Variants in BCL9L observed in about 807,000 individuals in gnomAD.
BCL9L encodes BCL9 like, also known as B-cell CLL/lymphoma 9-like protein.
In BCL9L, 19 loss-of-function variants were observed where a neutral mutation model predicts 99.4. That is an observed-to-expected ratio of 0.19 (90% confidence interval 0.13 to 0.28). BCL9L has a LOEUF of 0.28. Among genes scored for constraint, BCL9L ranks in the 10% least tolerant of loss-of-function variants. The pLI is 1.00. For missense variants in BCL9L, 2,023 were observed against 2,101.6 expected (o/e 0.96, Z 0.73); for synonymous variants, 900 against 854.8 (o/e 1.05, Z -0.92).
At position 118,898,650 on chromosome 11, in the gene BCL9L, G is replaced by C. The variant is rs1374175251; in HGVS notation, c.4265C>G (p.Ser1422Cys). 1 of 1,612,082 alleles carries C rather than the reference G, an allele frequency of 6.2e-7. No homozygotes were observed. Among genetic ancestry groups the C allele is most frequent in the East Asian group, 2.2e-5 (1 of 44,850 alleles). Reference protein sequence around the residue: ...VPHGLHQGVMSPPQGLMTQQN... With the variant: ...VPHGLHQGVMCPPQGLMTQQN... ...CTGGGTCATGAGGCCTTGTGGAGGG[G>C]ACATGACCCCCTGGTGCAGGCCATG... Residue 1422 changes from serine to cysteine, a missense_variant, in exon 10 of 10, where the codon TCC (serine) becomes TGC (cysteine). This residue lies in a region of BCL9L where 902 missense variants were observed against 888.2 expected (regional missense o/e 1.02). Transcript: ENST00000683865.
intron 2 of BCL9L, among the ~76,000 whole-genome samples, chr11:118,912,320 C>G (rs1334062448): frequency 6.6e-6 from 1 of 152,218 alleles, no homozygotes; most frequent in Non-Finnish European, 1.5e-5. Context: ...TCTGGGAACA[C>G]GTCACCGTGC....
rs947237824 is a variant in BCL9L, at chr11:118,900,488, C to T, written c.3124+131G>A. On this transcript the variant is annotated intron_variant, in intron 8 of 9. Coordinates refer to ENST00000683865, the MANE Select transcript of BCL9L (RefSeq NM_001378213.1). This position sits in a 1 kb window ranked among gnomAD's most constrained non-coding sequence, Gnocchi z 5.3. ...AGCCCACAAATGTCATCATCTGCCC[C>T]ATAAGCAGAGCCATCCACCTCTGGG... 9.8e-6 allele frequency: 14 copies of T among 1,429,904 alleles called. No individual in the cohort carries two copies. In the East Asian group the frequency reaches 2.7e-4, roughly 28 times the overall value. The allele number at this position is 1,429,904 out of a possible 1,614,324, so 88.6% of individuals were successfully genotyped here.
intron 5 of BCL9L, among the ~76,000 whole-genome samples, chr11:118,904,269 C>T (rs991931514): frequency 1.1e-4 from 16 of 151,974 alleles, no homozygotes; most frequent in Admixed American, 5.2e-4. Context: ...GGTGAAACCC[C>T]GTCTCTACTA....
At chr11:118,920,358 A>G (rs1941103176) in intron 1 of BCL9L, among the ~76,000 whole-genome samples, 1 of 152,172 alleles carries the variant, frequency 6.6e-6, no homozygotes, top group South Asian at 2.1e-4. Flanking sequence ...AATGAGATTA[A>G]ACATCAAGAA....
At position 118,900,607 on chromosome 11, in the gene BCL9L, C is replaced by T; in HGVS notation, c.3124+12G>A. On this transcript the variant is annotated intron_variant, in intron 8 of 9. Transcript: ENST00000683865. This position sits in a 1 kb window ranked among gnomAD's most constrained non-coding sequence, Gnocchi z 5.3. The stretch of plus-strand genomic sequence containing the variant: ...CTGCCTGCCTGCCTGCCTGCCTGCG[C>T]AATTGACTCACCCTGTTCCATGTTG... 6.3e-7 allele frequency: 1 copy of T among 1,589,842 alleles called. No homozygotes were observed. The highest frequency in any genetic ancestry group is 2.3e-5 in the East Asian group (1 of 44,216).
Position 118,901,232 on chromosome 11 carries a change from C to T in BCL9L, c.2511G>A (p.Met837Ile), listed in dbSNP as rs549521970. ...GVMGGPQKML[M>I]PSQFPNQGQQ... ...GGCCCTGGTTGGGAAACTGTGAAGG[C>T]ATCAGCATCTTCTGCGGGCCGCCCA... Residue 837 changes from methionine (M) to isoleucine (I), a missense_variant, in exon 8 of 10, where the codon ATG (methionine) becomes ATA (isoleucine). Physicochemically the swap from Met to Ile is conservative, Grantham distance 10. Transcript: ENST00000683865. The surrounding 1 kb of genome is among the most constrained non-coding windows in gnomAD (Gnocchi z 6.6). The T allele has an allele frequency of 5.0e-6, 8 of 1,614,054 alleles. No homozygotes were observed. The East Asian group carries it at 1.1e-4, about 22-fold the overall frequency.
chr11:118,901,823 G>T lies in BCL9L; in HGVS notation c.1920C>A (p.Thr640=), dbSNP rs952940005. 1.2e-6 allele frequency: 2 copies of T among 1,609,722 alleles called. No individual in the cohort carries two copies. Among genetic ancestry groups the T allele is most frequent in the Admixed American group, 3.3e-5 (2 of 59,888 alleles). ...GTCCCCCCATAGGGGGCAAGTCTTCGGTCCAGCCCATGCCTGGTCTCACGG... is the reference window on the plus strand; with the variant it reads ...GTCCCCCCATAGGGGGCAAGTCTTCTGTCCAGCCCATGCCTGGTCTCACGG... The part of the protein sequence containing the change: ...QRPVRPGMGW[T]EDLPPMGGPS... The change falls in exon 8 of 10, where the codon ACC becomes ACA. Residue 640 remains threonine, a synonymous_variant. Coordinates refer to ENST00000683865, the MANE Select transcript of BCL9L (RefSeq NM_001378213.1). The surrounding 1 kb of genome is among the most constrained non-coding windows in gnomAD (Gnocchi z 6.6).
rs1940071355 is a variant in BCL9L, at chr11:118,899,051, G to A, written c.3864C>T (p.Arg1288=). ...CACCCGGTGGGTATGCGTCGCCCAT[G>A]CGCCCAGCCATGGCTTTGCCCATCA... ...QHLMGKAMAG[R]MGDAYPPGVL... The change falls in exon 10 of 10, where the codon CGC becomes CGT. Residue 1288 remains arginine (R), a synonymous_variant. Coordinates refer to ENST00000683865, the MANE Select transcript of BCL9L (RefSeq NM_001378213.1). 3 of 1,612,738 alleles carry A rather than the reference G, an allele frequency of 1.9e-6. No homozygotes were observed. Among genetic ancestry groups the A allele is most frequent in the Non-Finnish European group, 2.5e-6 (3 of 1,179,684 alleles).
Position 118,900,687 on chromosome 11 carries a change from C to G in BCL9L, c.3056G>C (p.Gly1019Ala). The change falls in exon 8 of 10, where the codon GGG becomes GCG. Residue 1019 changes from glycine (G) to alanine (A), a missense_variant. Coordinates refer to ENST00000683865, the MANE Select transcript of BCL9L (RefSeq NM_001378213.1). The surrounding 1 kb of genome is among the most constrained non-coding windows in gnomAD (Gnocchi z 5.3). Reference sequence around the variant, plus strand: ...AGGCGGCTGCTTGTTCTGGGAGACCCCCGGGCTGGGCATGGCCGTCTTAGG... The same window carrying G: ...AGGCGGCTGCTTGTTCTGGGAGACCGCCGGGCTGGGCATGGCCGTCTTAGG... ...ASPKTAMPSP[G>A]VSQNKQPPLN... is the part of the protein sequence containing the mutation. The G allele has an allele frequency of 6.2e-7, 1 of 1,613,680 alleles. No individual in the cohort carries two copies. Among genetic ancestry groups the G allele is most frequent in the South Asian group, 1.1e-5 (1 of 91,056 alleles).
In BCL9L at chr11:118,925,763, G is replaced by A. The variant is rs1254176494; in HGVS notation, c.-656C>T. Among the ~76,000 whole-genome samples, 1 of 150,206 alleles carries A rather than the reference G, an allele frequency of 6.7e-6. No homozygotes were observed. Among genetic ancestry groups the A allele is most frequent in the Admixed American group, 6.6e-5 (1 of 15,086 alleles). ...GCGGCGCCGGGGGACCCAGGCGTGC[G>A]GGCGTCCGGCCGGCTGGCTCCGGGC... is the stretch of plus-strand genomic sequence containing the variant. On this transcript the variant is annotated 5_prime_UTR_variant, in exon 1 of 10. Transcript: ENST00000683865. This position sits in a 1 kb window ranked among gnomAD's most constrained non-coding sequence, Gnocchi z 6.4.
intron 2 of BCL9L, among the ~76,000 whole-genome samples, chr11:118,915,908 C>T (rs1940949786): frequency 1.3e-5 from 2 of 152,210 alleles, no homozygotes; most frequent in Non-Finnish European, 1.5e-5. Flanking sequence ...CCCCAGAAGC[C>T]CCCAAAGGGT....
At chr11:118,910,119 A>G in intron 2 of BCL9L, 104 bp from the exon 3 acceptor site, 1 of 781,250 alleles carries the variant, frequency 1.3e-6, no homozygotes, top group Non-Finnish European at 2.1e-6. Context: ...AGGGAGCTGG[A>G]TAGGGTGGGG....
chr11:118,899,936 T>C lies in BCL9L; in HGVS notation c.3387A>G (p.Pro1129=), dbSNP rs746896451. ...TCGCACCTGGCCCGGAGCCCTGCGGTGGTGGTGGGGGGGGCAGCAGGGGCC... is the reference window on the plus strand; with the variant it reads ...TCGCACCTGGCCCGGAGCCCTGCGGCGGTGGTGGGGGGGGCAGCAGGGGCC... ...PDRPLLPPPP[P]PQGSGPGISN... The change falls in exon 9 of 10, where the codon CCA becomes CCG. Residue 1129 remains proline, a synonymous_variant. Transcript: ENST00000683865. 2.0e-5 allele frequency: 33 copies of C among 1,611,744 alleles called. No homozygotes were observed. The Admixed American group carries it at 5.5e-4, about 27-fold the overall frequency.
rs114863928 is a variant in BCL9L, at chr11:118,922,620, G to A, written c.-131+2618C>T. On this transcript the variant is annotated intron_variant, in intron 1 of 9. Coordinates refer to ENST00000683865, the MANE Select transcript of BCL9L (RefSeq NM_001378213.1). This position sits in a 1 kb window ranked among gnomAD's most constrained non-coding sequence, Gnocchi z 6.2. Reference sequence around the variant, plus strand: ...CGGGCCTGGCAGAGGCTCCCTGCCCGCGGCACCCAGCCTGTACCCGCTTGG... The same window carrying A: ...CGGGCCTGGCAGAGGCTCCCTGCCCACGGCACCCAGCCTGTACCCGCTTGG... Among the ~76,000 whole-genome samples, 1,670 of 152,016 alleles carry A rather than the reference G, an allele frequency of 0.011. 32 individuals are homozygous for A. The highest frequency in any genetic ancestry group is 0.039 in the African/African-American group (1,600 of 41,454).
At position 118,923,916 on chromosome 11, in the gene BCL9L, C is replaced by T. The variant is rs149910489; in HGVS notation, c.-131+1322G>A. Among the ~76,000 whole-genome samples, 619 of 152,346 alleles carry T rather than the reference C, an allele frequency of 4.1e-3. 3 individuals are homozygous for T. Among genetic ancestry groups the T allele is most frequent in the African/African-American group, 0.014 (591 of 41,574 alleles). ...TGTCCTGTCCTGAGGCCTCTATCAG[C>T]AGGGCCTCAGAGCTGACACCAGGAA... On this transcript the variant is annotated intron_variant, in intron 1 of 9. Coordinates refer to ENST00000683865, the MANE Select transcript of BCL9L (RefSeq NM_001378213.1).
intron 1 of BCL9L, among the ~76,000 whole-genome samples, chr11:118,923,814 G>A (rs898787191): frequency 2.6e-5 from 4 of 152,158 alleles, no homozygotes; most frequent in African/African-American, 9.7e-5. Flanking sequence ...TCACCTGGGG[G>A]AGGCGGCACC....
rs1940197454 is a variant in BCL9L, at chr11:118,900,921, T to G, written c.2822A>C (p.His941Pro). 2 of 1,574,960 alleles carry G rather than the reference T, an allele frequency of 1.3e-6. No individual in the cohort carries two copies. The highest frequency in any genetic ancestry group is 2.7e-5 in the African/African-American group (2 of 74,088). Residue 941 changes from histidine (H) to proline (P), a missense_variant, in exon 8 of 10, where the codon CAC (histidine) becomes CCC (proline). Physicochemically the swap from His to Pro is moderately conservative, Grantham distance 77. Coordinates refer to ENST00000683865, the MANE Select transcript of BCL9L (RefSeq NM_001378213.1). This position sits in a 1 kb window ranked among gnomAD's most constrained non-coding sequence, Gnocchi z 5.3. The part of the protein sequence containing the change: ...HLKSPTLSQV[H>P]SPLVTSPSAN... ...AGAGGGCGAGGTGACCAGGGGTGAGTGCACCTGGCTAAGGGTGGGCGACTT... is the reference window on the plus strand; with the variant it reads ...AGAGGGCGAGGTGACCAGGGGTGAGGGCACCTGGCTAAGGGTGGGCGACTT...
intron 9 of BCL9L, 101 bp from the exon 10 acceptor site, chr11:118,899,609 G>T: frequency 3.4e-6 from 5 of 1,452,692 alleles, no homozygotes; most frequent in Middle Eastern, 2.4e-4. Flanking sequence ...GGTGCCAGAG[G>T]TCAAAGTCTT....
At chr11:118,919,679 T>C (rs1046610168) in intron 1 of BCL9L, among the ~76,000 whole-genome samples, 5 of 152,146 alleles carry the variant, frequency 3.3e-5, no homozygotes, top group Non-Finnish European at 5.9e-5. Flanking sequence ...CTTAACCCTC[T>C]CCAGCCTGTG....
Sources: gnomAD v4.1 joint callset for allele counts (sites outside exome capture counted in the v4.1 genomes callset) on GRCh38, gnomAD v4.1.1 for gene constraint, gnomAD v4.1.1 regional missense constraint, Gnocchi (gnomAD v3.1) non-coding constraint, MANE v1.5 for transcripts, NCBI Gene and HGNC (gene_info 2026-07-23, HGNC 2026-07-21) for gene names.